Variants in IFT88 observed in about 807,000 individuals in gnomAD.
IFT88 encodes intraflagellar transport 88.
In IFT88, 74 loss-of-function variants were observed where a neutral mutation model predicts 119.5. The observed-to-expected ratio is 0.62, with a 90% CI of 0.51 to 0.75. The LOEUF (loss-of-function observed/expected upper bound fraction) is 0.75, where lower values mean the gene tolerates loss of function less well. Ranked by LOEUF, IFT88 falls within the 30% of genes least tolerant of loss-of-function variation. The probability of loss-of-function intolerance (pLI) is 0.00; values close to 1 mark genes in which losing one functional copy is unlikely to be tolerated. For synonymous variants in IFT88, 279 were observed against 316.7 expected (o/e 0.88, Z 1.26); for missense variants, 961 against 977.7 (o/e 0.98, Z 0.23).
chr13:20,684,754 A>G (rs894505788), intron 24 of IFT88, among the ~76,000 whole-genome samples: 7 of 152,156 alleles, frequency 4.6e-5, no homozygotes, highest in African/African-American at 1.2e-4. Flanking sequence ...CCCTTGTCCC[A>G]TTGTTACCCT....
At position 20,589,805 on chromosome 13, in the gene IFT88, C is replaced by A; in HGVS notation, c.154-6C>A. 6.3e-7 allele frequency: 1 copy of A among 1,589,310 alleles called. No homozygotes were observed. The highest frequency in any genetic ancestry group is 1.1e-5 in the South Asian group (1 of 87,646). ...CCTGTTAACTATGTTCTTTTTCCTC[C>A]CCAAGATAACTGCTAAAATATCAAG... On this transcript the variant is annotated splice_region_variant and splice_polypyrimidine_tract_variant and intron_variant, in intron 3 of 25. Coordinates refer to ENST00000351808, the MANE Select transcript of IFT88 (RefSeq NM_006531.5).
At chr13:20,682,587 C>T (rs1252522451) in intron 24 of IFT88, among the ~76,000 whole-genome samples, 2 of 152,174 alleles carry the variant, frequency 1.3e-5, no homozygotes, top group Non-Finnish European at 2.9e-5. Flanking sequence ...TTACTAAGGT[C>T]CCCAAGTAGG....
At chr13:20,613,081 AG>A (rs1222381628) in intron 13 of IFT88, among the ~76,000 whole-genome samples, 1 of 152,204 alleles carries the variant, frequency 6.6e-6, no homozygotes, top group African/African-American at 2.4e-5. Flanking sequence ...AGAAAAAAAT[AG>A]ATAAATTGGA....
At chr13:20,635,054 G>GT (rs1402292937) in intron 16 of IFT88, among the ~76,000 whole-genome samples, 2 of 149,938 alleles carry the variant, frequency 1.3e-5, no homozygotes, top group African/African-American at 4.9e-5. Context: ...GCAGTGTTTG[G>GT]TTTTTTGTCC....
rs1367643067 is a variant in IFT88 at position 20,589,950 on chromosome 13, T to C, written c.210+83T>C. On this transcript the variant is annotated intron_variant, in intron 4 of 25. Transcript: ENST00000351808. Reference sequence around the variant, plus strand: ...TAGGCAGTTCTGAATAATTTTATTATATCTTAGGTCATAATCCAAATATAT... The same window carrying C: ...TAGGCAGTTCTGAATAATTTTATTACATCTTAGGTCATAATCCAAATATAT... The C allele has an allele frequency of 2.4e-5, 18 of 735,974 alleles. No homozygotes were observed. The East Asian group carries it at 4.6e-4, about 19-fold the overall frequency. The allele number at this position is 735,974 out of a possible 1,614,324, so 45.6% of individuals were successfully genotyped here. A position where few individuals can be genotyped will look rare whatever the true frequency, so the allele number is the denominator to read the frequency against.
intron 16 of IFT88, among the ~76,000 whole-genome samples, chr13:20,636,275 T>C (rs2049010374): frequency 6.6e-6 from 1 of 152,224 alleles, no homozygotes; most frequent in Admixed American, 6.5e-5. Flanking sequence ...CAAAAGGTGT[T>C]ACAGCCACAC....
At chr13:20,625,701 A>C in intron 14 of IFT88, 49 bp from the exon 15 acceptor site, 2 of 1,280,754 alleles carry the variant, frequency 1.6e-6, no homozygotes, top group Non-Finnish European at 2.2e-6. Flanking sequence ...CAACAGCATC[A>C]ATATACTAAA....
At chr13:20,633,815 T>C (rs2048579583) in intron 16 of IFT88, among the ~76,000 whole-genome samples, 1 of 152,174 alleles carries the variant, frequency 6.6e-6, no homozygotes, top group Non-Finnish European at 1.5e-5. Flanking sequence ...TAGTTGAAAA[T>C]ATATTGCTGG....
At chr13:20,571,412 G>A (rs1445540090) in intron 1 of IFT88, among the ~76,000 whole-genome samples, 1 of 151,994 alleles carries the variant, frequency 6.6e-6, no homozygotes, top group Non-Finnish European at 1.5e-5. Context: ...ACATTTCTTG[G>A]GTAATTAGCC....
In IFT88 at chr13:20,644,908, C is replaced by T. The variant is rs2050502572; in HGVS notation, c.1899C>T (p.Thr633=). 8 of 1,604,484 alleles carry T rather than the reference C, an allele frequency of 5.0e-6. No homozygotes were observed. Among genetic ancestry groups the T allele is most frequent in the African/African-American group, 1.3e-5 (1 of 74,720 alleles). Residue 633 remains threonine (T), a synonymous_variant, in exon 20 of 26, where the codon ACC becomes ACT. Coordinates refer to ENST00000351808, the MANE Select transcript of IFT88 (RefSeq NM_006531.5). ...GGCTTGGAGCCTATTACATTGACAC[C>T]CAATTTTGGGAAAAAGCTATTCAGT... ...IEWLGAYYID[T]QFWEKAIQYF...
At chr13:20,624,895 G>A (rs1319030438) in intron 14 of IFT88, among the ~76,000 whole-genome samples, 2 of 152,094 alleles carry the variant, frequency 1.3e-5, no homozygotes, top group African/African-American at 4.8e-5. Flanking sequence ...GTTATTTTTT[G>A]TAGTGAAAAC....
chr13:20,593,076 A>G (rs1054002032), intron 7 of IFT88, among the ~76,000 whole-genome samples: 7 of 152,204 alleles, frequency 4.6e-5, no homozygotes, highest in Non-Finnish European at 8.8e-5. Context: ...TTTCAAGGGA[A>G]AAAATTAAGA....
chr13:20,621,160 A>G (rs1258140095), intron 14 of IFT88, among the ~76,000 whole-genome samples: 2 of 151,930 alleles, frequency 1.3e-5, no homozygotes, highest in Non-Finnish European at 2.9e-5. Flanking sequence ...CCACCTCCCT[A>G]GTTTCAAGAA....
At chr13:20,634,335 C>T (rs2048676182) in intron 16 of IFT88, among the ~76,000 whole-genome samples, 1 of 152,008 alleles carries the variant, frequency 6.6e-6, no homozygotes, top group Non-Finnish European at 1.5e-5. Flanking sequence ...TATTCATATC[C>T]CTCCCAAGAC....
chr13:20,687,371 G>T (rs1368752381), intron 24 of IFT88, among the ~76,000 whole-genome samples: 1 of 151,850 alleles, frequency 6.6e-6, no homozygotes, highest in Non-Finnish European at 1.5e-5. Context: ...CATATGCTTG[G>T]AATCTGAATA....
At chr13:20,584,156 T>TAA (rs10661539) in intron 3 of IFT88, among the ~76,000 whole-genome samples, 112,180 of 149,292 alleles carry the variant, frequency 0.75, 42,927 homozygotes, top group East Asian at 0.98. Flanking sequence ...TCTATTTCTG[T>TAA]AAAAAAAAAA....
chr13:20,568,771 G>A (rs1045827821), intron 1 of IFT88, among the ~76,000 whole-genome samples: 3 of 152,018 alleles, frequency 2.0e-5, no homozygotes, highest in African/African-American at 4.8e-5. Context: ...CCAGGCTGGA[G>A]TGCAGTGGCG....
Position 20,626,352 on chromosome 13 carries a change from G to A in IFT88, c.1299+503G>A, listed in dbSNP as rs145351165. 1.5e-3 allele frequency among the ~76,000 whole-genome samples: 234 copies of A among 152,170 alleles called. 1 individual carries two copies. The highest frequency in any genetic ancestry group is 5.4e-3 in the African/African-American group (225 of 41,534). ...TGGGATTACAGGTGTGAGCCACCGCGCCCAGCTGTTGTTTCTTAAAATGTA... is the reference window on the plus strand; with the variant it reads ...TGGGATTACAGGTGTGAGCCACCGCACCCAGCTGTTGTTTCTTAAAATGTA... On this transcript the variant is annotated intron_variant, in intron 15 of 25. Transcript: ENST00000351808.
chr13:20,589,433 G>C (rs1348868856), intron 3 of IFT88, among the ~76,000 whole-genome samples: 1 of 152,168 alleles, frequency 6.6e-6, no homozygotes, highest in Non-Finnish European at 1.5e-5. Context: ...CTGTTATAGG[G>C]ATAGCTGAGA....
Sources: allele counts gnomAD v4.1 joint callset (sites outside exome capture counted in the v4.1 genomes callset), GRCh38; gene constraint gnomAD v4.1.1; transcripts MANE v1.5; gene names NCBI Gene and HGNC (gene_info 2026-07-23, HGNC 2026-07-21).